Variants in GBF1 observed in about 807,000 individuals in gnomAD.
The protein encoded by GBF1 is golgi brefeldin A resistant guanine nucleotide exchange factor 1.
Under a neutral mutation model 210.5 loss-of-function variants are expected in GBF1, and 114 were observed. That is an observed-to-expected ratio of 0.54 (90% CI 0.47 to 0.63). The LOEUF (loss-of-function observed/expected upper bound fraction) is 0.63. Among genes scored for constraint, GBF1 ranks in the 30% least tolerant of loss-of-function variants. The probability of loss-of-function intolerance (pLI) is 0.00; values close to 1 mark genes in which losing one functional copy is unlikely to be tolerated. For missense variants in GBF1, 1,851 were observed against 2,357.7 expected (o/e 0.79, Z 4.45); for synonymous variants, 850 against 889.2 (o/e 0.96, Z 0.78).
intron 4 of GBF1, among the ~76,000 whole-genome samples, chr10:102,344,464 AG>A (rs1565135823): frequency 7.2e-6 from 1 of 139,380 alleles, no homozygotes; most frequent in African/African-American, 2.8e-5. Flanking sequence ...AAGTTTGGTT[AG>A]GTTTGTTTGT....
chr10:102,351,496 G>A, intron 5 of GBF1, 122 bp downstream of exon 5: 1 of 678,496 alleles, frequency 1.5e-6, no homozygotes, highest in Non-Finnish European at 2.6e-6. Flanking sequence ...GAGCTACTTT[G>A]TTTCCAGACA....
chr10:102,271,743 T>A (rs2074442862), intron 3 of GBF1, among the ~76,000 whole-genome samples: 1 of 152,120 alleles, frequency 6.6e-6, no homozygotes, highest in Non-Finnish European at 1.5e-5. Context: ...ATTACTATTA[T>A]TATTATCATC....
At position 102,361,787 on chromosome 10, in the gene GBF1, A is replaced by G; in HGVS notation, c.1561A>G (p.Met521Val). Residue 521 changes from methionine to valine, a missense_variant, in exon 14 of 40, where the codon ATG becomes GTG. This residue lies in a region of GBF1 where 804 missense variants were observed against 958.6 expected (regional missense o/e 0.84). Transcript: ENST00000369983. ...CAAGATGCCTTATGAGATGAAGGAG[A>G]TGGCACTGGAGGCCATTGTGCAGCT... is the stretch of plus-strand genomic sequence containing the variant. ...NPKMPYEMKE[M>V]ALEAIVQLWR... The G allele has an allele frequency of 6.2e-7, 1 of 1,613,338 alleles. No individual in the cohort carries two copies. The highest frequency in any genetic ancestry group is 8.5e-7 in the Non-Finnish European group (1 of 1,179,376).
intron 3 of GBF1, among the ~76,000 whole-genome samples, chr10:102,318,572 C>G (rs990654624): frequency 2.6e-5 from 4 of 152,130 alleles, no homozygotes; most frequent in African/African-American, 9.7e-5. Flanking sequence ...GCTTATCACT[C>G]TTAAGGATCC....
the GBF1 span, among the ~76,000 whole-genome samples, chr10:102,238,615 C>T: frequency 6.6e-6 from 1 of 152,216 alleles, no homozygotes; most frequent in Non-Finnish European, 1.5e-5. Flanking sequence ...GCAGCTTGGG[C>T]ATAATAATAG....
rs1195681232 is a variant in GBF1, at chr10:102,382,480, T to C, written c.*144T>C. 2 of 679,090 alleles carry C rather than the reference T, an allele frequency of 2.9e-6. No individual in the cohort carries two copies. Among genetic ancestry groups the C allele is most frequent in the Non-Finnish European group, 4.9e-6 (2 of 410,866 alleles). The allele number at this position is 679,090 out of a possible 1,614,324, so 42.1% of individuals were successfully genotyped here. On this transcript the variant is annotated 3_prime_UTR_variant, in exon 40 of 40. Coordinates refer to ENST00000369983, the MANE Select transcript of GBF1 (RefSeq NM_001377137.1). Reference sequence around the variant, plus strand: ...TTGGATGGGGACCTGAAAAAGAGAATGTTGATAGCCCCAGCTAAGACCCCC... The same window carrying C: ...TTGGATGGGGACCTGAAAAAGAGAACGTTGATAGCCCCAGCTAAGACCCCC...
At chr10:102,364,858 A>G (rs2059823299) in intron 17 of GBF1, among the ~76,000 whole-genome samples, 1 of 151,326 alleles carries the variant, frequency 6.6e-6, no homozygotes, top group East Asian at 2.0e-4. Flanking sequence ...CGGAAAAAGA[A>G]AAAAAAAACC....
chr10:102,305,026 TA>T (rs2077723146), intron 3 of GBF1, among the ~76,000 whole-genome samples: 1 of 151,396 alleles, frequency 6.6e-6, no homozygotes, highest in African/African-American at 2.4e-5. Context: ...AGAAAAAGAA[TA>T]AAAAATTAGC....
At chr10:102,256,832 A>G (rs1300788861) in intron 1 of GBF1, among the ~76,000 whole-genome samples, 1 of 152,144 alleles carries the variant, frequency 6.6e-6, no homozygotes, top group African/African-American at 2.4e-5. Context: ...AAGTTAAAAT[A>G]TTACAGATCC....
chr10:102,368,133 G>A, intron 21 of GBF1, 85 bp from the exon 22 acceptor site: 1 of 834,414 alleles, frequency 1.2e-6, no homozygotes, highest in East Asian at 2.4e-5. Context: ...AGTGGAGAGT[G>A]CTAGTATGGA....
At chr10:102,290,552 G>C (rs1229670424) in intron 3 of GBF1, among the ~76,000 whole-genome samples, 1 of 152,064 alleles carries the variant, frequency 6.6e-6, no homozygotes, top group African/African-American at 2.4e-5. Flanking sequence ...AGGCTGGAGT[G>C]CAATAGTGTG....
intron 29 of GBF1, 45 bp downstream of exon 29, chr10:102,370,905 T>C: frequency 6.4e-7 from 1 of 1,568,830 alleles, no homozygotes; most frequent in Non-Finnish European, 8.8e-7. Context: ...TGCAAGGGAT[T>C]AAGGCCACAG....
In GBF1 at chr10:102,380,496, C is replaced by A; in HGVS notation, c.4993-10C>A. ...CTTTCCTATTCTCATGGTCCCACTG[C>A]CACCTGCAGTCAGAGGCGATCCCTG... is the stretch of plus-strand genomic sequence containing the variant. On this transcript the variant is annotated splice_polypyrimidine_tract_variant and intron_variant, in intron 37 of 39. Transcript: ENST00000369983. 1 of 1,609,734 alleles carries A rather than the reference C, an allele frequency of 6.2e-7. No individual in the cohort carries two copies. Among genetic ancestry groups the A allele is most frequent in the Non-Finnish European group, 8.5e-7 (1 of 1,176,948 alleles).
intron 8 of GBF1, 152 bp from the exon 9 acceptor site, chr10:102,357,887 T>G: frequency 1.6e-6 from 1 of 631,424 alleles, no homozygotes. Flanking sequence ...GTTAGAAGAG[T>G]AGGAATGTGA....
chr10:102,243,283 A>G (rs2070585019), upstream of GBF1, among the ~76,000 whole-genome samples: 1 of 152,104 alleles, frequency 6.6e-6, no homozygotes, highest in African/African-American at 2.4e-5. Context: ...TACACCACCC[A>G]CCATATTGAA....
intron 3 of GBF1, among the ~76,000 whole-genome samples, chr10:102,311,631 C>T (rs746546472): frequency 1.3e-5 from 2 of 152,206 alleles, no homozygotes; most frequent in Non-Finnish European, 2.9e-5. Context: ...CCCTGTCAGT[C>T]CCTTGGTGAC....
chr10:102,261,339 G>T (rs1192755395), intron 3 of GBF1, among the ~76,000 whole-genome samples: 1 of 152,104 alleles, frequency 6.6e-6, no homozygotes, highest in Admixed American at 6.5e-5. Flanking sequence ...CCAAGGGGAT[G>T]TAGATACAGA....
intron 3 of GBF1, among the ~76,000 whole-genome samples, chr10:102,291,918 C>T (rs1359365517): frequency 4.3e-5 from 6 of 138,162 alleles, no homozygotes; most frequent in Admixed American, 3.2e-4. Flanking sequence ...GAGAGGGAGT[C>T]TCGCTGTGTC....
At chr10:102,376,240 C>T (rs753366804) in intron 30 of GBF1, 32 bp from the exon 31 acceptor site, 2 of 1,598,638 alleles carry the variant, frequency 1.3e-6, no homozygotes, top group African/African-American at 1.3e-5. Flanking sequence ...CCATCCCCAC[C>T]CTGACTCTGC....
Sources: gnomAD v4.1 joint callset for allele counts (sites outside exome capture counted in the v4.1 genomes callset) on GRCh38, gnomAD v4.1.1 for gene constraint, gnomAD v4.1.1 regional missense constraint, MANE v1.5 for transcripts, NCBI Gene and HGNC (gene_info 2026-07-23, HGNC 2026-07-21) for gene names.